LRFN2: variants seen among roughly 807,000 people sequenced by gnomAD.
LRFN2 encodes leucine rich repeat and fibronectin type III domain containing 2.
A neutral mutation model predicts 37.3 loss-of-function variants in LRFN2; 18 were observed. The observed-to-expected ratio is 0.48, with a 90% CI of 0.33 to 0.72. The LOEUF (loss-of-function observed/expected upper bound fraction) is 0.72, where lower values mean the gene tolerates loss of function less well. LRFN2 is among the 30% of genes least tolerant of loss of function. LRFN2 has a pLI of 0.02. For missense variants in LRFN2, 1,006 were observed against 1,060.7 expected (o/e 0.95, Z 0.72); for synonymous variants, 556 against 466.6 (o/e 1.19, Z -2.47).
chr6:40,555,327 G>A (rs1189968772), intron 1 of LRFN2, among the ~76,000 whole-genome samples: 1 of 152,182 alleles, frequency 6.6e-6, no homozygotes, highest in Admixed American at 6.5e-5. Context: ...CGGTGGGGAG[G>A]CTGGGCCGGA....
Position 40,432,507 on chromosome 6 carries a change from C to T in LRFN2, c.607G>A (p.Asp203Asn). Residue 203 changes from aspartate (D) to asparagine (N), a missense_variant, in exon 2 of 3, where the codon GAT becomes AAT. Asp to Asn is a conservative substitution (Grantham distance 23). Around this residue, in one of 4 missense-constraint regions of LRFN2, gnomAD observed 303 missense variants for 299.8 expected, o/e 1.01. Transcript: ENST00000338305. The stretch of plus-strand genomic sequence containing the variant: ...TTCTGCAGCCGATTGGAGGTGAGAT[C>T]CAGGCGGGCCAGTTTCTGCAGGTCT... ...FADLQKLARL[D>N]LTSNRLQKLP... 1 of 1,614,212 alleles carries T rather than the reference C, an allele frequency of 6.2e-7. No homozygotes were observed. Among genetic ancestry groups the T allele is most frequent in the Non-Finnish European group, 8.5e-7 (1 of 1,180,030 alleles).
At chr6:40,578,480 G>A (rs1386689098) in intron 1 of LRFN2, among the ~76,000 whole-genome samples, 1 of 152,202 alleles carries the variant, frequency 6.6e-6, no homozygotes, top group Non-Finnish European at 1.5e-5. Context: ...CAAAGTGGTT[G>A]TAATCATAAT....
At chr6:40,467,166 AGAT>A (rs35088407) in intron 1 of LRFN2, among the ~76,000 whole-genome samples, 118,740 of 148,498 alleles carry the variant, frequency 0.8, 49,619 homozygotes, top group Non-Finnish European at 0.92. Flanking sequence ...AAGTTGAATG[AGAT>A]GATGATGATG....
chr6:40,476,618 T>G (rs7772544), intron 1 of LRFN2, among the ~76,000 whole-genome samples: 1 of 152,272 alleles, frequency 6.6e-6, no homozygotes, highest in African/African-American at 2.4e-5. Context: ...CTCAACACTC[T>G]TGGTCTCTAG....
intron 1 of LRFN2, among the ~76,000 whole-genome samples, chr6:40,522,203 A>G (rs454023): frequency 0.69 from 104,957 of 152,052 alleles, 37,579 homozygotes; most frequent in African/African-American, 0.88. Flanking sequence ...ACTAAATGGC[A>G]ATGTGGGACC....
intron 2 of LRFN2, among the ~76,000 whole-genome samples, chr6:40,415,163 C>G (rs1286299904): frequency 6.6e-6 from 1 of 152,166 alleles, no homozygotes; most frequent in African/African-American, 2.4e-5. Flanking sequence ...TCTTTCCCCG[C>G]AATGCCTCCT....
In LRFN2 at chr6:40,571,091, C is replaced by T. The variant is rs112447397; in HGVS notation, c.-19+15850G>A. ...GAGGAATCACCTCTTGCTGGAAGCACTGCAGGCTCCTGCCTCCAGTCACAG... is the reference window on the plus strand; with the variant it reads ...GAGGAATCACCTCTTGCTGGAAGCATTGCAGGCTCCTGCCTCCAGTCACAG... On this transcript the variant is annotated intron_variant, in intron 1 of 2. Coordinates refer to ENST00000338305, the MANE Select transcript of LRFN2 (RefSeq NM_020737.3). Among the ~76,000 whole-genome samples the T allele has an allele frequency of 1.8e-3, 277 of 152,352 alleles. 2 individuals are homozygous for T. Among genetic ancestry groups the T allele is most frequent in the African/African-American group, 6.1e-3 (254 of 41,586 alleles).
rs563009322 is a variant in LRFN2, at chr6:40,553,351, C to T, written c.-19+33590G>A. ...CAAAACCTACCCAGCAGAGGAAAAA[C>T]AAATATAACTGGCGTGTAAGGGCTT... On this transcript the variant is annotated intron_variant, in intron 1 of 2. Coordinates refer to ENST00000338305, the MANE Select transcript of LRFN2 (RefSeq NM_020737.3). 5.9e-5 allele frequency among the ~76,000 whole-genome samples: 9 copies of T among 152,238 alleles called. 1 individual carries two copies. The South Asian group carries it at 1.7e-3, about 28-fold the overall frequency.
intron 1 of LRFN2, among the ~76,000 whole-genome samples, chr6:40,581,829 C>G (rs1767410367): frequency 6.6e-6 from 1 of 152,118 alleles, no homozygotes. Flanking sequence ...GGCTGAGTGG[C>G]CACATTTCAT....
intron 1 of LRFN2, among the ~76,000 whole-genome samples, chr6:40,551,641 C>T (rs1445278750): frequency 1.3e-5 from 2 of 152,178 alleles, no homozygotes; most frequent in South Asian, 2.1e-4. Context: ...CAAATGAATA[C>T]ACAAAGGTGA....
chr6:40,478,065 A>G lies in LRFN2; in HGVS notation c.-18-44934T>C, dbSNP rs549851063. Among the ~76,000 whole-genome samples the G allele has an allele frequency of 2.8e-3, 426 of 152,304 alleles. 2 individuals are homozygous for G. The highest frequency in any genetic ancestry group is 9.2e-3 in the African/African-American group (384 of 41,566). On this transcript the variant is annotated intron_variant, in intron 1 of 2. Coordinates refer to ENST00000338305, the MANE Select transcript of LRFN2 (RefSeq NM_020737.3). ...TGGCAGCATCAGGGCGGGAAGCCAC[A>G]GGGATAAGCCGGCACCAGGGGATGT...
chr6:40,483,384 G>C (rs1437225931), intron 1 of LRFN2, among the ~76,000 whole-genome samples: 1 of 152,150 alleles, frequency 6.6e-6, no homozygotes, highest in African/African-American at 2.4e-5. Flanking sequence ...CACCCTAATG[G>C]CTTCCACCTT....
chr6:40,413,268 C>T (rs984657295), intron 2 of LRFN2, among the ~76,000 whole-genome samples: 3 of 152,164 alleles, frequency 2.0e-5, no homozygotes, highest in Non-Finnish European at 4.4e-5. Context: ...GGTCAACAGC[C>T]CAGCTGTGAT....
At chr6:40,573,108 C>G (rs12661613) in intron 1 of LRFN2, among the ~76,000 whole-genome samples, 4,046 of 152,324 alleles carry the variant, frequency 0.027, 88 homozygotes, top group Admixed American at 0.039. Flanking sequence ...GCTGAGAACT[C>G]CTGATGAAAT....
chr6:40,448,428 A>C (rs1764024837), intron 1 of LRFN2, among the ~76,000 whole-genome samples: 1 of 152,244 alleles, frequency 6.6e-6, no homozygotes, highest in Admixed American at 6.5e-5. Flanking sequence ...CTTCTGCCAA[A>C]GTAATAATGA....
chr6:40,533,374 AACACACACACACACACAC>A (rs58462773), intron 1 of LRFN2, among the ~76,000 whole-genome samples: 4 of 142,974 alleles, frequency 2.8e-5, no homozygotes, highest in Non-Finnish European at 4.6e-5. Flanking sequence ...TCTTGCTCAA[AACACACACACACACACAC>A]ACACACACAC....
At chr6:40,494,321 C>G (rs1410515289) in intron 1 of LRFN2, among the ~76,000 whole-genome samples, 1 of 152,150 alleles carries the variant, frequency 6.6e-6, no homozygotes, top group Non-Finnish European at 1.5e-5. Flanking sequence ...GGAGCCCTCT[C>G]AAAGGCTGCT....
intron 1 of LRFN2, among the ~76,000 whole-genome samples, chr6:40,552,023 T>C (rs190613116): frequency 6.6e-6 from 1 of 152,300 alleles, no homozygotes; most frequent in East Asian, 1.9e-4. Flanking sequence ...TCGTGTGTTA[T>C]ACAAGTTATA....
chr6:40,434,989 A>G (rs1346907097), intron 1 of LRFN2, among the ~76,000 whole-genome samples: 3 of 137,260 alleles, frequency 2.2e-5, no homozygotes, highest in Non-Finnish European at 3.1e-5. Context: ...CTATAAAGAC[A>G]TCCCTTTCTT....
Sources: allele counts gnomAD v4.1 joint callset (sites outside exome capture counted in the v4.1 genomes callset), GRCh38; gene constraint gnomAD v4.1.1; regional missense constraint gnomAD v4.1.1; transcripts MANE v1.5; gene names NCBI Gene and HGNC (gene_info 2026-07-23, HGNC 2026-07-21).